NUDCD1: variants seen among roughly 807,000 people sequenced by gnomAD.
NUDCD1 encodes nudC domain-containing protein 1.
NUDCD1 carries 60 observed loss-of-function variants against 67.8 expected under a neutral mutation model. That is an observed-to-expected ratio of 0.88 (90% confidence interval 0.72 to 1.10). NUDCD1 has a LOEUF of 1.10. Among genes scored for constraint, NUDCD1 ranks in the 50% least tolerant of loss-of-function variants. The pLI is 0.00. For missense variants in NUDCD1, 643 were observed against 695.0 expected, an observed-to-expected ratio of 0.93 and a Z score of 0.84; for synonymous variants, 244 against 230.8, an observed-to-expected ratio of 1.06 and a Z score of -0.52.
rs183348488 is a variant in NUDCD1 at position 109,309,097 on chromosome 8, C to T, written c.274-12528G>A. 7.3e-3 allele frequency among the ~76,000 whole-genome samples: 1,108 copies of T among 152,228 alleles called. 20 individuals carry two copies. The highest frequency in any genetic ancestry group is 0.026 in the African/African-American group (1,070 of 41,536). On this transcript the variant is annotated intron_variant, in intron 2 of 9. Coordinates refer to ENST00000239690, the MANE Select transcript of NUDCD1 (RefSeq NM_032869.4). ...AAGACAGAGAAAGAGGGAAGCCTCC[C>T]TAAATCATTCTATGAAGCCAGTATC...
intron 8 of NUDCD1, among the ~76,000 whole-genome samples, chr8:109,246,864 C>T (rs2980589): frequency 0.64 from 96,952 of 152,038 alleles, 32,410 homozygotes; most frequent in African/African-American, 0.85. Context: ...CTGAATTCAA[C>T]AGGGAAAGCT....
intron 4 of NUDCD1, among the ~76,000 whole-genome samples, chr8:109,292,288 T>C (rs1459256729): frequency 6.6e-6 from 1 of 152,018 alleles, no homozygotes; most frequent in Admixed American, 6.6e-5. Context: ...TAATATCTAA[T>C]TAAAGTTTAA....
At chr8:109,316,830 T>G (rs1815410410) in intron 2 of NUDCD1, among the ~76,000 whole-genome samples, 1 of 152,130 alleles carries the variant, frequency 6.6e-6, no homozygotes, top group Admixed American at 6.5e-5. Flanking sequence ...GAATCAGAAT[T>G]TTGGGAAATG....
intron 5 of NUDCD1, among the ~76,000 whole-genome samples, 169 bp downstream of exon 5, chr8:109,289,582 A>G (rs529799725): frequency 6.6e-6 from 1 of 152,304 alleles, no homozygotes; most frequent in South Asian, 2.1e-4. Context: ...CATTCACACT[A>G]TTAAGGTGGT....
chr8:109,275,585 T>TAGAAG, intron 6 of NUDCD1, 89 bp from the exon 7 acceptor site: 9 of 1,234,270 alleles, frequency 7.3e-6, no homozygotes, highest in Non-Finnish European at 1.0e-5. Flanking sequence ...TTCTATCTTC[T>TAGAAG]ATAGAAAGAA....
intron 8 of NUDCD1, among the ~76,000 whole-genome samples, chr8:109,262,320 G>C (rs962863995): frequency 1.2e-4 from 19 of 152,322 alleles, no homozygotes; most frequent in African/African-American, 4.6e-4. Flanking sequence ...GAAGCAGGCA[G>C]CCAAGGCTGG....
At chr8:109,248,956 T>C (rs765888907) in intron 8 of NUDCD1, among the ~76,000 whole-genome samples, 2 of 152,140 alleles carry the variant, frequency 1.3e-5, no homozygotes, top group Non-Finnish European at 2.9e-5. Flanking sequence ...AAATGGCATC[T>C]TCTCCTCCAA....
At chr8:109,274,026 TA>T (rs749295468) in intron 7 of NUDCD1, among the ~76,000 whole-genome samples, 1 of 152,136 alleles carries the variant, frequency 6.6e-6, no homozygotes, top group Non-Finnish European at 1.5e-5. Context: ...TCATTCATGA[TA>T]AAAACTCTCA....
At chr8:109,303,473 A>C (rs1815035383) in intron 2 of NUDCD1, among the ~76,000 whole-genome samples, 1 of 152,018 alleles carries the variant, frequency 6.6e-6, no homozygotes, top group Admixed American at 6.6e-5. Context: ...AGGCTTCTAA[A>C]CCTCTTAAAA....
chr8:109,328,523 G>A (rs1586316362), intron 1 of NUDCD1, among the ~76,000 whole-genome samples: 1 of 152,270 alleles, frequency 6.6e-6, no homozygotes, highest in Non-Finnish European at 1.5e-5. Flanking sequence ...CCAGGCTACA[G>A]AAAGAACCAT....
intron 1 of NUDCD1, among the ~76,000 whole-genome samples, chr8:109,328,237 C>A (rs1284780494): frequency 1.3e-5 from 2 of 152,206 alleles, no homozygotes; most frequent in East Asian, 3.8e-4. Flanking sequence ...GTATAGTCAA[C>A]TCTACATAAA....
chr8:109,285,423 GCAAGCTGAATC>G (rs1192088425), intron 5 of NUDCD1, among the ~76,000 whole-genome samples: 1 of 152,134 alleles, frequency 6.6e-6, no homozygotes, highest in African/African-American at 2.4e-5. Flanking sequence ...CAAAATACTG[GCAAGCTGAATC>G]CAACAGCACA....
At chr8:109,299,454 T>C (rs1035415211) in intron 2 of NUDCD1, among the ~76,000 whole-genome samples, 1 of 152,096 alleles carries the variant, frequency 6.6e-6, no homozygotes, top group Non-Finnish European at 1.5e-5. Context: ...TGCATGGGAA[T>C]TGGGTGAGGC....
chr8:109,281,232 C>A (rs1282146199), intron 5 of NUDCD1, 60 bp from the exon 6 acceptor site: 8 of 1,071,766 alleles, frequency 7.5e-6, no homozygotes, highest in East Asian at 2.4e-5. Flanking sequence ...TACACACACA[C>A]AAAACCTATC....
At chr8:109,320,307 CA>C (rs1016706370) in intron 2 of NUDCD1, among the ~76,000 whole-genome samples, 25 of 152,124 alleles carry the variant, frequency 1.6e-4, no homozygotes, top group African/African-American at 5.6e-4. Flanking sequence ...CGACCATGCC[CA>C]GGGGGGCCAG....
At chr8:109,312,207 CA>C (rs2130100823) in intron 2 of NUDCD1, among the ~76,000 whole-genome samples, 1 of 145,916 alleles carries the variant, frequency 6.9e-6, no homozygotes, top group African/African-American at 2.5e-5. Flanking sequence ...GAGGCTGAGG[CA>C]GGAGAATTGC....
chr8:109,330,996 T>C (rs1815792109), intron 1 of NUDCD1, among the ~76,000 whole-genome samples: 1 of 152,004 alleles, frequency 6.6e-6, no homozygotes, highest in East Asian at 1.9e-4. Flanking sequence ...GGCACACGTT[T>C]ACCTATGTAC....
chr8:109,250,732 T>C (rs1436191695), intron 8 of NUDCD1, among the ~76,000 whole-genome samples: 1 of 152,040 alleles, frequency 6.6e-6, no homozygotes, highest in Non-Finnish European at 1.5e-5. Context: ...TGATCAAATA[T>C]TTTTCTTTAG....
chr8:109,283,969 C>T (rs1212718111), intron 5 of NUDCD1, among the ~76,000 whole-genome samples: 1 of 146,082 alleles, frequency 6.8e-6, no homozygotes, highest in Non-Finnish European at 1.5e-5. Flanking sequence ...ACTTGAAAGG[C>T]ACAGAGTAGA....
Sources: allele counts gnomAD v4.1 joint callset (sites outside exome capture counted in the v4.1 genomes callset), GRCh38; gene constraint gnomAD v4.1.1; transcripts MANE v1.5; gene names NCBI Gene and HGNC (gene_info 2026-07-23, HGNC 2026-07-21).